NIPBL: variants seen among roughly 807,000 people sequenced by gnomAD.
The protein encoded by NIPBL is NIPBL cohesin loading factor.
Under a neutral mutation model 321.8 loss-of-function variants are expected in NIPBL, and 19 were observed. The ratio of observed to expected loss-of-function variants is 0.06; its 90% CI spans 0.04 to 0.09. NIPBL has a LOEUF of 0.09. Ranked by LOEUF, NIPBL falls within the 10% of genes least tolerant of loss-of-function variation. The pLI, the probability that NIPBL is intolerant of heterozygous loss-of-function variation, is 1.00. For synonymous variants in NIPBL, 1,106 were observed against 1,114.1 expected, an observed-to-expected ratio of 0.99 and a Z score of 0.14; for missense variants, 2,210 against 3,327.0, an observed-to-expected ratio of 0.66 and a Z score of 8.26.
intron 1 of NIPBL, among the ~76,000 whole-genome samples, chr5:36,924,965 G>A (rs1338445214): frequency 6.6e-5 from 10 of 152,028 alleles, no homozygotes; most frequent in Non-Finnish European, 1.5e-4. Context: ...TCTGTCATCA[G>A]GTTAAGAAAC....
chr5:36,964,324 G>A (rs978529381), intron 6 of NIPBL, among the ~76,000 whole-genome samples: 6 of 152,050 alleles, frequency 3.9e-5, no homozygotes, highest in African/African-American at 1.2e-4. Context: ...AAAGCTGGAG[G>A]CATCACACTA....
At chr5:36,882,053 G>A (rs1426548404) in intron 1 of NIPBL, among the ~76,000 whole-genome samples, 1 of 151,948 alleles carries the variant, frequency 6.6e-6, no homozygotes, top group Non-Finnish European at 1.5e-5. Context: ...TTTATAGCCA[G>A]AGAATGTTGA....
At position 37,014,732 on chromosome 5, in the gene NIPBL, C is replaced by T; in HGVS notation, c.4610C>T (p.Thr1537Ile). 1 of 1,608,040 alleles carries T rather than the reference C, an allele frequency of 6.2e-7. No homozygotes were observed. Among genetic ancestry groups the T allele is most frequent in the Non-Finnish European group, 8.5e-7 (1 of 1,174,710 alleles). Residue 1537 changes from threonine to isoleucine, a missense_variant, in exon 22 of 47, where the codon ACA becomes ATA. Thr to Ile is a moderately conservative substitution (Grantham distance 89, BLOSUM62 -1). This residue lies in a region of NIPBL where 381 missense variants were observed against 642.3 expected (regional missense o/e 0.59). Transcript: ENST00000282516. ...ITNSYETAMR[T>I]AQNFLSIFLK... The stretch of plus-strand genomic sequence containing the variant: ...AACTCTTATGAAACAGCTATGCGAA[C>T]AGCCCAAAACTTCCTCTCCATCTTC...
intron 1 of NIPBL, among the ~76,000 whole-genome samples, chr5:36,907,984 CA>C (rs1423684600): frequency 6.6e-6 from 1 of 151,976 alleles, no homozygotes; most frequent in Non-Finnish European, 1.5e-5. Context: ...CTATCTTTTC[CA>C]AAAGGAAGTA....
Position 37,007,469 on chromosome 5 carries a change from C to T in NIPBL, c.4234C>T (p.Leu1412Phe). The T allele has an allele frequency of 6.2e-7, 1 of 1,609,198 alleles. No individual in the cohort carries two copies. The highest frequency in any genetic ancestry group is 8.5e-7 in the Non-Finnish European group (1 of 1,176,482). The change falls in exon 18 of 47, where the codon CTT (leucine) becomes TTT (phenylalanine). Residue 1412 changes from leucine to phenylalanine, a missense_variant. Transcript: ENST00000282516. ...ACAACTTCTTACAGACACAACAATT[C>T]TTCAGGTAAGATTTTTTGGTAAGCA... The part of the protein sequence containing the change: ...EIQLLTDTTI[L>F]QVSSMGITPF...
At chr5:37,033,269 G>A (rs1247945315) in intron 32 of NIPBL, among the ~76,000 whole-genome samples, 1 of 152,076 alleles carries the variant, frequency 6.6e-6, no homozygotes, top group Non-Finnish European at 1.5e-5. Flanking sequence ...ATTGTAAAAT[G>A]TATATGGAAA....
At chr5:37,052,654 A>G in intron 42 of NIPBL, 88 bp downstream of exon 42, 1 of 971,626 alleles carries the variant, frequency 1.0e-6, no homozygotes, top group African/African-American at 1.6e-5. Context: ...TTACCATTTT[A>G]TTAGTATATG....
intron 1 of NIPBL, among the ~76,000 whole-genome samples, chr5:36,905,061 A>G (rs917821589): frequency 1.3e-5 from 2 of 152,108 alleles, no homozygotes; most frequent in Admixed American, 1.3e-4. Flanking sequence ...ATTCGACAAA[A>G]ACAAGTACAG....
At chr5:37,064,437 G>C in intron 46 of NIPBL, 90 bp from the exon 47 acceptor site, 1 of 1,585,356 alleles carries the variant, frequency 6.3e-7, no homozygotes, top group South Asian at 1.1e-5. Context: ...AACTCCCGGC[G>C]TCAAGGGATT....
At chr5:36,933,641 A>G (rs1290287244) in intron 1 of NIPBL, among the ~76,000 whole-genome samples, 1 of 152,138 alleles carries the variant, frequency 6.6e-6, no homozygotes, top group African/African-American at 2.4e-5. Context: ...AATTAAATCT[A>G]AGGCTGAGCA....
At chr5:36,943,421 G>T (rs886121362) in intron 1 of NIPBL, among the ~76,000 whole-genome samples, 2 of 150,560 alleles carry the variant, frequency 1.3e-5, no homozygotes, top group South Asian at 4.2e-4. Context: ...TAAATTGTTT[G>T]TAGATCATAA....
At chr5:36,995,918 AAC>A (rs1226645546) in intron 11 of NIPBL, 114 bp downstream of exon 11, 9 of 876,582 alleles carry the variant, frequency 1.0e-5, no homozygotes, top group Middle Eastern at 3.3e-4. Context: ...AATTCTTAAT[AAC>A]ACAGTATAGT....
chr5:36,912,106 AAAG>A (rs1748093424), intron 1 of NIPBL, among the ~76,000 whole-genome samples: 1 of 152,228 alleles, frequency 6.6e-6, no homozygotes, highest in Non-Finnish European at 1.5e-5. Context: ...AGAATCTAGG[AAAG>A]AATAAATCCT....
At chr5:36,904,742 G>A (rs149454030) in intron 1 of NIPBL, among the ~76,000 whole-genome samples, 2 of 152,276 alleles carry the variant, frequency 1.3e-5, no homozygotes, top group African/African-American at 2.4e-5. Context: ...GTTGCCTATA[G>A]CTGTTGGCTG....
intron 14 of NIPBL, among the ~76,000 whole-genome samples, chr5:37,002,082 T>C (rs1746875018): frequency 6.6e-6 from 1 of 152,084 alleles, no homozygotes. Flanking sequence ...GTTAAAAAGA[T>C]GGAGGCAAAA....
rs1469006967 is a variant in NIPBL, at chr5:37,064,963, C to G, written c.*71C>G. On this transcript the variant is annotated 3_prime_UTR_variant, in exon 47 of 47. Coordinates refer to ENST00000282516, the MANE Select transcript of NIPBL (RefSeq NM_133433.4). ...CAGAAAAACTTGAAATACCAACATT[C>G]TGGCAAAAAAAAATCAGTTTTATGA... 1.9e-6 allele frequency: 3 copies of G among 1,577,088 alleles called. No individual in the cohort carries two copies. Among genetic ancestry groups the G allele is most frequent in the South Asian group, 1.1e-5 (1 of 88,286 alleles).
intron 27 of NIPBL, among the ~76,000 whole-genome samples, chr5:37,021,330 C>T (rs1215328534): frequency 6.6e-6 from 1 of 151,654 alleles, no homozygotes; most frequent in Admixed American, 6.6e-5. Context: ...TGTTCTACAT[C>T]CCTTTTACAT....
chr5:36,952,037 TGTGTGTGTGTGTGTGTGCGCGC>T (rs1256297502), intron 1 of NIPBL, among the ~76,000 whole-genome samples: 1 of 110,076 alleles, frequency 9.1e-6, no homozygotes, highest in Admixed American at 1.1e-4. Flanking sequence ...TGTGTGTGTG[TGTGTGTGTGTGTGTGTGCGCGC>T]GCGCGCGCGC....
At chr5:36,946,909 T>C (rs1278003972) in intron 1 of NIPBL, among the ~76,000 whole-genome samples, 1 of 151,718 alleles carries the variant, frequency 6.6e-6, no homozygotes, top group East Asian at 1.9e-4. Context: ...TGTTTCTCAG[T>C]TTTATGTCCT....
Sources: gnomAD v4.1 joint callset for allele counts (sites outside exome capture counted in the v4.1 genomes callset) on GRCh38, gnomAD v4.1.1 for gene constraint, gnomAD v4.1.1 regional missense constraint, MANE v1.5 for transcripts, NCBI Gene and HGNC (gene_info 2026-07-23, HGNC 2026-07-21) for gene names.